The following EP300 variants were observed in gnomAD, a reference collection of about 807,000 sequenced individuals.
The protein encoded by EP300 is EP300 lysine acetyltransferase.
In EP300, 31 loss-of-function variants were observed where a neutral mutation model predicts 264.0. That is an observed-to-expected ratio of 0.12 (90% confidence interval 0.09 to 0.16). EP300 has a LOEUF of 0.16. EP300 is among the 10% of genes least tolerant of loss of function. The probability of loss-of-function intolerance (pLI) is 1.00; values close to 1 mark genes in which losing one functional copy is unlikely to be tolerated. For synonymous variants in EP300, 1,340 were observed against 1,045.4 expected (o/e 1.28, Z -5.44); for missense variants, 2,766 against 3,052.9 (o/e 0.91, Z 2.21).
intron 1 of EP300, among the ~76,000 whole-genome samples, chr22:41,095,232 ATTTTTTTTTTTT>A (rs66515117): frequency 2.5e-5 from 2 of 80,246 alleles, no homozygotes; most frequent in Non-Finnish European, 4.4e-5. Flanking sequence ...TACCATTGTA[ATTTTTTTTTTTT>A]TTTTTTTTTT....
At chr22:41,097,759 A>G (rs2058709887) in intron 1 of EP300, among the ~76,000 whole-genome samples, 1 of 152,190 alleles carries the variant, frequency 6.6e-6, no homozygotes. Flanking sequence ...ATTAATGGGC[A>G]AATGAAACCA....
chr22:41,150,686 C>G (rs1233082440), intron 14 of EP300, among the ~76,000 whole-genome samples: 1 of 151,886 alleles, frequency 6.6e-6, no homozygotes, highest in African/African-American at 2.4e-5. Flanking sequence ...GTCAGGAGTT[C>G]AAGACCAGCC....
In EP300 at chr22:41,179,476, T is replaced by A. The variant is rs981865960; in HGVS notation, c.*520T>A. The A allele has an allele frequency of 1.2e-5, 2 of 166,014 alleles. No individual in the cohort carries two copies. Among genetic ancestry groups the A allele is most frequent in the Middle Eastern group, 2.4e-3 (1 of 410 alleles). The allele number at this position is 166,014 out of a possible 1,614,324, so 10.3% of individuals were successfully genotyped here. On this transcript the variant is annotated 3_prime_UTR_variant, in exon 31 of 31. Coordinates refer to ENST00000263253, the MANE Select transcript of EP300 (RefSeq NM_001429.4). ...TATATAAATATATATAAATATATAT[T>A]AAAATACCAGTTTTTTTTCTCTGGG...
intron 23 of EP300, 141 bp downstream of exon 23, chr22:41,166,807 C>G: frequency 3.5e-6 from 2 of 566,840 alleles, no homozygotes; most frequent in East Asian, 2.9e-5. Flanking sequence ...TATAGTTGAT[C>G]TGTAATATAT....
intron 1 of EP300, among the ~76,000 whole-genome samples, chr22:41,098,356 T>C (rs946204275): frequency 1.3e-5 from 2 of 152,346 alleles, no homozygotes; most frequent in South Asian, 2.1e-4. Context: ...TTTTTATAAA[T>C]GTCCCAAAGC....
rs1569101653 is a variant in EP300, at chr22:41,137,746, C to T, written c.1716C>T (p.His572=). The change falls in exon 8 of 31, where the codon CAC becomes CAT. Residue 572 remains histidine (H), a synonymous_variant. Coordinates refer to ENST00000263253, the MANE Select transcript of EP300 (RefSeq NM_001429.4). ...PSTTGIRKQW[H]EDITQDLRNH... ...CTACTGGAATTCGGAAACAGTGGCA[C>T]GAAGATATTACTCAGGATCTTCGAA... 4 of 1,614,098 alleles carry T rather than the reference C, an allele frequency of 2.5e-6. No individual in the cohort carries two copies. The highest frequency in any genetic ancestry group is 3.4e-6 in the Non-Finnish European group (4 of 1,180,022).
chr22:41,170,244 T>C (rs2059161823), intron 26 of EP300, among the ~76,000 whole-genome samples, 162 bp from the exon 27 acceptor site: 2 of 152,246 alleles, frequency 1.3e-5, no homozygotes, highest in Admixed American at 6.5e-5. Context: ...TTATGCCTAA[T>C]TTTGGCCTCA....
intron 1 of EP300, among the ~76,000 whole-genome samples, chr22:41,111,592 G>A (rs1227501505): frequency 1.3e-5 from 2 of 151,924 alleles, no homozygotes; most frequent in African/African-American, 4.8e-5. Context: ...ACCCAGGGTA[G>A]AGTGCAATGG....
intron 30 of EP300, 110 bp from the exon 31 acceptor site, chr22:41,176,663 G>C: frequency 6.2e-7 from 1 of 1,610,200 alleles, no homozygotes; most frequent in East Asian, 2.2e-5. Flanking sequence ...AGCTGAAGAG[G>C]CTAGTTTTTG....
intron 16 of EP300, among the ~76,000 whole-genome samples, chr22:41,154,398 T>G (rs868080418): frequency 4.9e-4 from 72 of 145,988 alleles, no homozygotes; most frequent in Middle Eastern, 3.5e-3. Flanking sequence ...TTTTTTTTTT[T>G]TGAGATGGGG....
chr22:41,157,823 C>T (rs2145748666), intron 18 of EP300, among the ~76,000 whole-genome samples: 1 of 152,288 alleles, frequency 6.6e-6, no homozygotes, highest in Admixed American at 6.5e-5. Flanking sequence ...TCCCAGCCAA[C>T]ACAGTCTTTC....
intron 17 of EP300, among the ~76,000 whole-genome samples, chr22:41,155,612 A>G (rs1350238530): frequency 6.6e-6 from 1 of 152,126 alleles, no homozygotes; most frequent in South Asian, 2.1e-4. Flanking sequence ...ATCCTTTACC[A>G]TTAACAGTCA....
chr22:41,164,188 G>GT, intron 22 of EP300, 58 bp downstream of exon 22: 2 of 1,473,670 alleles, frequency 1.4e-6, no homozygotes, highest in Non-Finnish European at 1.9e-6. Context: ...ATATTAACAA[G>GT]TTTTTTATTC....
chr22:41,136,783 C>T (rs766165948), intron 7 of EP300, among the ~76,000 whole-genome samples: 11 of 152,180 alleles, frequency 7.2e-5, no homozygotes, highest in Middle Eastern at 6.8e-3. Context: ...AAGTATGGGC[C>T]GAGCATGGCA....
rs1221238897 is a variant in EP300 at position 41,140,001 on chromosome 22, A to AT, written c.1761-138dup. ...AAATTCTTTTGTTTATCACAAAAAGATAATTTCATTTCAGTAAGTAATATA... is the reference window on the plus strand; with the variant it reads ...AAATTCTTTTGTTTATCACAAAAAGATTAATTTCATTTCAGTAAGTAATATA... On this transcript the variant is annotated intron_variant, in intron 8 of 30. Coordinates refer to ENST00000263253, the MANE Select transcript of EP300 (RefSeq NM_001429.4). The AT allele has an allele frequency of 8.8e-6, 6 of 681,968 alleles. No homozygotes were observed. In the African/African-American group the frequency reaches 1.1e-4, roughly 12 times the overall value. 42.2% of individuals were successfully genotyped at this position (681,968 alleles called of 1,614,324 possible). A position where few individuals can be genotyped will look rare whatever the true frequency, so the allele number is the denominator to read the frequency against.
intron 1 of EP300, among the ~76,000 whole-genome samples, chr22:41,114,708 G>T (rs959217649): frequency 6.6e-6 from 1 of 152,094 alleles, no homozygotes; most frequent in African/African-American, 2.4e-5. Flanking sequence ...AAGAATGCAT[G>T]GTTGGAGTGA....
intron 8 of EP300, among the ~76,000 whole-genome samples, chr22:41,138,866 C>CGTTTGA (rs1199529014): frequency 6.6e-6 from 1 of 152,108 alleles, no homozygotes; most frequent in East Asian, 1.9e-4. Context: ...TGTCAAACTA[C>CGTTTGA]CAATTATATA....
intron 1 of EP300, among the ~76,000 whole-genome samples, chr22:41,104,789 GCAGGTGGATTACTTGAGGT>G (rs1433598303): frequency 6.6e-6 from 1 of 151,372 alleles, no homozygotes; most frequent in Non-Finnish European, 1.5e-5. Flanking sequence ...GGAGGCTGAG[GCAGGTGGATTACTTGAGGT>G]CAGGAATTCA....
At chr22:41,163,030 C>T (rs574653508) in intron 21 of EP300, among the ~76,000 whole-genome samples, 1 of 152,152 alleles carries the variant, frequency 6.6e-6, no homozygotes, top group Non-Finnish European at 1.5e-5. Context: ...TGCAGTGAGG[C>T]CTTTTAGATC....
Sources: allele counts gnomAD v4.1 joint callset (sites outside exome capture counted in the v4.1 genomes callset), GRCh38; gene constraint gnomAD v4.1.1; transcripts MANE v1.5; gene names NCBI Gene and HGNC (gene_info 2026-07-23, HGNC 2026-07-21).